Variants in FBXL13 observed in about 807,000 individuals in gnomAD.
FBXL13 encodes F-box and leucine rich repeat protein 13.
A neutral mutation model predicts 83.6 loss-of-function variants in FBXL13; 67 were observed. The ratio of observed to expected loss-of-function variants is 0.80; its 90% CI spans 0.66 to 0.98. The LOEUF is 0.98. FBXL13 is among the 50% of genes least tolerant of loss of function. The pLI, the probability that FBXL13 is intolerant of heterozygous loss-of-function variation, is 0.00. For synonymous variants in FBXL13, 272 were observed against 299.5 expected (o/e 0.91, Z 0.95); for missense variants, 822 against 866.5 (o/e 0.95, Z 0.64).
intron 16 of FBXL13, among the ~76,000 whole-genome samples, chr7:102,869,739 T>G (rs1808276698): frequency 6.6e-6 from 1 of 152,208 alleles, no homozygotes; most frequent in Non-Finnish European, 1.5e-5. Flanking sequence ...AGAATGTTCT[T>G]TCCCCAATGT....
chr7:102,930,472 C>T (rs150241581), intron 9 of FBXL13, among the ~76,000 whole-genome samples: 8 of 152,186 alleles, frequency 5.3e-5, no homozygotes, highest in African/African-American at 1.9e-4. Context: ...CTTCTGACCT[C>T]TTCTCCACTT....
At chr7:102,964,063 C>A (rs1008866551) in intron 7 of FBXL13, among the ~76,000 whole-genome samples, 1 of 152,294 alleles carries the variant, frequency 6.6e-6, no homozygotes, top group Admixed American at 6.5e-5. Flanking sequence ...GTAATCCCAG[C>A]ACCTTGGGAG....
intron 16 of FBXL13, among the ~76,000 whole-genome samples, chr7:102,865,478 A>T (rs936621419): frequency 1.3e-5 from 2 of 151,998 alleles, no homozygotes; most frequent in African/African-American, 4.8e-5. Flanking sequence ...GCTTTTATAA[A>T]TATAATGTAC....
intron 6 of FBXL13, among the ~76,000 whole-genome samples, chr7:103,004,936 T>C (rs905100745): frequency 6.6e-6 from 1 of 152,212 alleles, no homozygotes; most frequent in African/African-American, 2.4e-5. Context: ...TTAAATCTTA[T>C]GATATATTCA....
At chr7:103,070,979 C>T (rs1235574859) in intron 1 of FBXL13, among the ~76,000 whole-genome samples, 1 of 152,160 alleles carries the variant, frequency 6.6e-6, no homozygotes, top group Non-Finnish European at 1.5e-5. Flanking sequence ...TGAAAAGATG[C>T]ATAATTCTAA....
chr7:102,939,365 T>G, intron 8 of FBXL13: 2 of 1,374,758 alleles, frequency 1.5e-6, no homozygotes, highest in African/African-American at 1.4e-5. Flanking sequence ...CACACAGATA[T>G]AACGGTGACC....
intron 6 of FBXL13, among the ~76,000 whole-genome samples, chr7:102,975,469 C>A (rs986505799): frequency 6.6e-6 from 1 of 152,210 alleles, no homozygotes; most frequent in East Asian, 1.9e-4. Context: ...AGTCCCCAAC[C>A]AGGACCCCCA....
intron 9 of FBXL13, among the ~76,000 whole-genome samples, 200 bp from the exon 11 acceptor site, chr7:102,926,574 C>A (rs147421976): frequency 4.6e-5 from 7 of 152,186 alleles, no homozygotes; most frequent in African/African-American, 1.7e-4. Context: ...ATTACTCCCT[C>A]CTTTTCCCTT....
At chr7:102,996,230 GC>G (rs1271034332) in intron 6 of FBXL13, among the ~76,000 whole-genome samples, 2 of 152,134 alleles carry the variant, frequency 1.3e-5, no homozygotes, top group Admixed American at 1.3e-4. Flanking sequence ...CCATATACAA[GC>G]TTTTCTAGGC....
intron 2 of FBXL13, among the ~76,000 whole-genome samples, chr7:103,036,011 G>A (rs28589470): frequency 1.2e-3 from 184 of 152,242 alleles, no homozygotes; most frequent in African/African-American, 4.0e-3. Context: ...GTGGGCAAGC[G>A]AGCATTACCT....
intron 10 of FBXL13, among the ~76,000 whole-genome samples, chr7:102,924,238 C>CAA (rs564121170): frequency 3.7e-5 from 2 of 54,380 alleles, no homozygotes; most frequent in Non-Finnish European, 3.8e-5. Flanking sequence ...AACTCCGTCT[C>CAA]AAAAAAAAAA....
intron 8 of FBXL13, among the ~76,000 whole-genome samples, chr7:102,956,087 G>C (rs1052727753): frequency 1.3e-5 from 2 of 151,986 alleles, no homozygotes; most frequent in Non-Finnish European, 2.9e-5. Context: ...CAAAAAAAGA[G>C]AATTTTAGAC....
exon 11 of FBXL13, chr7:102,913,092 G>A (rs771655721): frequency 4.3e-6 from 7 of 1,614,142 alleles, no homozygotes; most frequent in South Asian, 1.1e-5. Flanking sequence ...AAACCTGGGT[G>A]CAGCCAGAGA....
Position 102,884,229 on chromosome 7 carries a change from C to CA in FBXL13, c.1091_1092insT (p.Asp365GlyfsTer9), listed in dbSNP as rs760453386. On this transcript the variant is annotated frameshift_variant, in exon 12 of 20. Coordinates refer to ENST00000313221, the Ensembl canonical transcript of FBXL13. LOFTEE classifies it high-confidence loss of function. ...AACTACCTACTTTTACACAGTTGTC[C>CA]GTCAGAGTTGGCATGTCATTAATGG... The CA allele has an allele frequency of 2.2e-5, 36 of 1,612,828 alleles. No individual in the cohort carries two copies. The East Asian group carries it at 5.8e-4, about 26-fold the overall frequency.
At chr7:102,920,880 G>A (rs1364752753) in intron 10 of FBXL13, among the ~76,000 whole-genome samples, 2 of 152,194 alleles carry the variant, frequency 1.3e-5, no homozygotes, top group African/African-American at 2.4e-5. Flanking sequence ...CAGGCTGGGC[G>A]TGTTGGCTCA....
intron 6 of FBXL13, among the ~76,000 whole-genome samples, chr7:103,017,221 G>T (rs901353817): frequency 5.3e-5 from 8 of 152,012 alleles, no homozygotes; most frequent in Non-Finnish European, 1.0e-4. Flanking sequence ...ACAGTGTCTG[G>T]AGTGGACCTC....
At chr7:103,041,299 A>G (rs555582048) in intron 2 of FBXL13, among the ~76,000 whole-genome samples, 3 of 152,324 alleles carry the variant, frequency 2.0e-5, no homozygotes, top group African/African-American at 7.2e-5. Context: ...CTCTGAATAG[A>G]CCAAAAACAG....
At chr7:102,936,244 G>A (rs375374811) in intron 8 of FBXL13, 2 of 152,186 alleles carry the variant, frequency 1.3e-5, no homozygotes, top group African/African-American at 4.8e-5. Flanking sequence ...CAACTTCCAG[G>A]AAGATAGTAA....
intron 8 of FBXL13, among the ~76,000 whole-genome samples, chr7:102,959,394 A>G (rs1824816491): frequency 6.6e-6 from 1 of 152,076 alleles, no homozygotes; most frequent in Admixed American, 6.6e-5. Context: ...TGCTTTTTAT[A>G]TGTCACTATA....
Sources: gnomAD v4.1 joint callset for allele counts (sites outside exome capture counted in the v4.1 genomes callset) on GRCh38, gnomAD v4.1.1 for gene constraint, MANE v1.5 for transcripts, NCBI Gene and HGNC (gene_info 2026-07-23, HGNC 2026-07-21) for gene names.